The following USP50 variants were observed in gnomAD, a reference collection of about 807,000 sequenced individuals.
USP50 encodes ubiquitin specific peptidase 50.
USP50 carries 37 observed loss-of-function variants against 39.2 expected under a neutral mutation model. That is an observed-to-expected ratio of 0.94 (90% CI 0.73 to 1.24). The LOEUF is 1.24. Among genes scored for constraint, USP50 ranks in the 50% most tolerant of loss-of-function variants. USP50 has a pLI of 0.00. For missense variants in USP50, 374 were observed against 398.2 expected (o/e 0.94, Z 0.52); for synonymous variants, 139 against 144.5 (o/e 0.96, Z 0.27).
At chr15:50,522,875 T>C (rs1350079243) in intron 6 of USP50, among the ~76,000 whole-genome samples, 1 of 151,904 alleles carries the variant, frequency 6.6e-6, no homozygotes. Flanking sequence ...CTCGAACTCC[T>C]AACCTCAAGT....
Position 50,541,218 on chromosome 15 carries a change from C to A in USP50, c.491G>T (p.Arg164Ile). Residue 164 changes from arginine to isoleucine, a missense_variant, in exon 4 of 7, where the codon AGA (arginine) becomes ATA (isoleucine). By Grantham distance (97) the Arg-to-Ile change is moderately conservative. Coordinates refer to ENST00000532404, the MANE Select transcript of USP50 (RefSeq NM_203494.5). The part of the protein sequence containing the change: ...RRSYEKGSTQ[R>I]CCRKWITTET... ...AGTGGTAATCCACTTCCTGCAGCAT[C>A]TCTGAGTAGATCCTTTCTCATATGA... 1.2e-6 allele frequency: 2 copies of A among 1,613,936 alleles called. No homozygotes were observed. Among genetic ancestry groups the A allele is most frequent in the Non-Finnish European group, 1.7e-6 (2 of 1,179,892 alleles).
chr15:50,507,714 A>G (rs1023913374), intron 6 of USP50: 1 of 152,158 alleles, frequency 6.6e-6, no homozygotes, highest in African/African-American at 2.4e-5. Context: ...CAGCTTTTAC[A>G]ATATATACTT....
intron 6 of USP50, chr15:50,501,053 T>C: frequency 4.1e-6 from 2 of 492,536 alleles, no homozygotes. Flanking sequence ...GACTATCATC[T>C]GTGAATAAAG....
At chr15:50,508,844 AAG>A (rs1191930666) in intron 6 of USP50, 1 of 151,898 alleles carries the variant, frequency 6.6e-6, no homozygotes, top group Admixed American at 6.6e-5. Flanking sequence ...TAAAAAAAAA[AAG>A]AGTACAGGCC....
At chr15:50,508,165 C>T (rs2052689575) in intron 6 of USP50, 1 of 148,518 alleles carries the variant, frequency 6.7e-6, no homozygotes, top group African/African-American at 2.5e-5. Flanking sequence ...GATACCCCCA[C>T]AAAAAATCAA....
chr15:50,498,045 T>G (rs1018374188), downstream of USP50, among the ~76,000 whole-genome samples: 2 of 152,202 alleles, frequency 1.3e-5, no homozygotes, highest in Non-Finnish European at 2.9e-5. Context: ...TATAAGTGAT[T>G]ACACATTTGC....
intron 6 of USP50, among the ~76,000 whole-genome samples, chr15:50,527,949 AG>A (rs2052911400): frequency 6.6e-6 from 1 of 152,014 alleles, no homozygotes; most frequent in African/African-American, 2.4e-5. Context: ...ACAGATGCTT[AG>A]TTCTTACCTC....
At chr15:50,527,164 G>A (rs1409575602) in intron 6 of USP50, among the ~76,000 whole-genome samples, 1 of 152,140 alleles carries the variant, frequency 6.6e-6, no homozygotes, top group East Asian at 1.9e-4. Flanking sequence ...ATATTAAAAT[G>A]CAGATTCTAA....
intron 6 of USP50, chr15:50,502,432 G>C (rs1037630836): frequency 6.6e-6 from 1 of 152,304 alleles, no homozygotes; most frequent in African/African-American, 2.4e-5. Flanking sequence ...GCAGTGACGT[G>C]ATCTCAGCTC....
intron 5 of USP50, among the ~76,000 whole-genome samples, chr15:50,537,886 G>A (rs988477204): frequency 2.4e-5 from 1 of 42,542 alleles, no homozygotes; most frequent in Non-Finnish European, 5.2e-5. Context: ...GAGGGGAGGG[G>A]AGGGGAGGGG....
At position 50,543,619 on chromosome 15, in the gene USP50, T is replaced by C. The variant is rs1471792792; in HGVS notation, c.423A>G (p.Glu141=). The C allele has an allele frequency of 1.9e-6, 3 of 1,613,612 alleles. No individual in the cohort carries two copies. Among genetic ancestry groups the C allele is most frequent in the Non-Finnish European group, 2.5e-6 (3 of 1,179,728 alleles). The change falls in exon 3 of 7, where the codon GAA becomes GAG. Residue 141 remains glutamate, a synonymous_variant. Coordinates refer to ENST00000532404, the MANE Select transcript of USP50 (RefSeq NM_203494.5). The part of the protein sequence containing the change: ...AQEFLICVLN[E]LHEALKKYHY... ...TTACCTTTTTTAGAGCTTCATGAAG[T>C]TCATTTAGGACACAAATCAAGAATT... is the stretch of plus-strand genomic sequence containing the variant.
chr15:50,538,987 C>T (rs2141377926), intron 4 of USP50, 136 bp from the exon 5 acceptor site: 3 of 898,568 alleles, frequency 3.3e-6, no homozygotes, highest in Non-Finnish European at 4.8e-6. Context: ...ATCCAGAAGA[C>T]AACAGTCTCA....
chr15:50,515,337 G>A (rs111552097), intron 6 of USP50, among the ~76,000 whole-genome samples: 5,386 of 152,142 alleles, frequency 0.035, 311 homozygotes, highest in African/African-American at 0.12. Context: ...TGCCTCCCGG[G>A]TTCACGCCAT....
At chr15:50,500,886 C>G (rs1320234664) in intron 6 of USP50, 49 bp from the exon 7 acceptor site, 4 of 1,389,768 alleles carry the variant, frequency 2.9e-6, no homozygotes, top group Non-Finnish European at 3.0e-6. Flanking sequence ...TGAACACTAA[C>G]TACTGGAACA....
At chr15:50,536,942 A>C (rs1282142436) in intron 5 of USP50, among the ~76,000 whole-genome samples, 4 of 152,210 alleles carry the variant, frequency 2.6e-5, no homozygotes, top group African/African-American at 9.6e-5. Flanking sequence ...TATTGACAAA[A>C]TGATTCTAAA....
rs531191250 is a variant in USP50 at position 50,541,355 on chromosome 15, A to C, written c.445-91T>G. On this transcript the variant is annotated intron_variant, in intron 3 of 6. Coordinates refer to ENST00000532404, the MANE Select transcript of USP50 (RefSeq NM_203494.5). ...GGTGAGATCCCATCTCTACAAAAAA[A>C]ACAAAAAATTAGCTAGGCATGGTGG... is the stretch of plus-strand genomic sequence containing the variant. The C allele has an allele frequency of 2.5e-5, 28 of 1,133,404 alleles. No homozygotes were observed. In the African/African-American group the frequency reaches 3.7e-4, roughly 15 times the overall value. 70.2% of individuals were successfully genotyped at this position (1,133,404 alleles called of 1,614,324 possible). A position where few individuals can be genotyped will look rare whatever the true frequency, so the allele number is the denominator to read the frequency against.
At chr15:50,494,606 G>T (rs1171871886) in intron 1 of USP50, among the ~76,000 whole-genome samples, 1 of 152,166 alleles carries the variant, frequency 6.6e-6, no homozygotes, top group Non-Finnish European at 1.5e-5. Context: ...CATTTTTATT[G>T]TATGTTATGT....
chr15:50,506,851 C>T (rs1011557279), intron 6 of USP50: 4 of 149,784 alleles, frequency 2.7e-5, no homozygotes, highest in East Asian at 2.0e-4. Context: ...CCAGCTACTC[C>T]GGAGGCTGAG....
intron 6 of USP50, chr15:50,508,331 G>C (rs933681225): frequency 6.6e-5 from 10 of 152,180 alleles, no homozygotes; most frequent in South Asian, 4.1e-4. Context: ...GCCAAGAAGA[G>C]AGTGGGTCAG....
Sources: allele counts gnomAD v4.1 joint callset (sites outside exome capture counted in the v4.1 genomes callset), GRCh38; gene constraint gnomAD v4.1.1; transcripts MANE v1.5; gene names NCBI Gene and HGNC (gene_info 2026-07-23, HGNC 2026-07-21).